Variants in MAP3K20 observed in about 807,000 individuals in gnomAD.
MAP3K20 encodes HCCS-4.
MAP3K20 carries 40 observed loss-of-function variants against 85.7 expected under a neutral mutation model. The ratio of observed to expected loss-of-function variants is 0.47; its 90% CI spans 0.36 to 0.61. The LOEUF is 0.61. Ranked by LOEUF, MAP3K20 falls within the 20% of genes least tolerant of loss-of-function variation. MAP3K20 has a pLI of 0.00. For missense variants in MAP3K20, 817 were observed against 961.7 expected (o/e 0.85, Z 1.99); for synonymous variants, 325 against 327.7 (o/e 0.99, Z 0.09).
intron 1 of MAP3K20, among the ~76,000 whole-genome samples, chr2:173,077,529 TAAAG>T (rs1175900439): frequency 2.0e-5 from 3 of 152,154 alleles, no homozygotes; most frequent in African/African-American, 7.2e-5. Flanking sequence ...AGAATTAAGA[TAAAG>T]AAAAATGGTC....
intron 10 of MAP3K20, among the ~76,000 whole-genome samples, chr2:173,213,269 G>GA (rs1274892462): frequency 6.6e-6 from 1 of 152,232 alleles, no homozygotes; most frequent in East Asian, 1.9e-4. Context: ...GAACGGGGGG[G>GA]AAAAGGAGAT....
In MAP3K20 at chr2:173,258,711, A is replaced by C. The variant is rs1283861320; in HGVS notation, c.1372A>C (p.Lys458Gln). Residue 458 changes from lysine (K) to glutamine (Q), a missense_variant, in exon 17 of 20, where the codon AAA becomes CAA. Physicochemically the swap from Lys to Gln is moderately conservative, Grantham distance 53 (BLOSUM62 1). Transcript: ENST00000375213. ...TTTTTAATTCCAGGATTGTAAGTGG[A>C]AAATGTATATGGAGATGGATGGGGA... is the stretch of plus-strand genomic sequence containing the variant. Reference protein sequence around the residue: ...PGTGPQDCKWKMYMEMDGDEI... With the variant: ...PGTGPQDCKWQMYMEMDGDEI... 4.4e-6 allele frequency: 7 copies of C among 1,600,678 alleles called. No homozygotes were observed. The highest frequency in any genetic ancestry group is 4.3e-6 in the Non-Finnish European group (5 of 1,171,884).
chr2:173,220,906 T>C lies in MAP3K20; in HGVS notation c.987+3656T>C, dbSNP rs374560899. Among the ~76,000 whole-genome samples the C allele has an allele frequency of 2.6e-5, 4 of 152,360 alleles. No individual in the cohort carries two copies. In the South Asian group the frequency reaches 8.3e-4, roughly 32 times the overall value. ...CTTGCAACTTCTTTTCCATTTGAAA[T>C]TTGGCTTGCTGTGGTGCTTTGCAAA... On this transcript the variant is annotated intron_variant, in intron 11 of 19. Coordinates refer to ENST00000375213, the MANE Select transcript of MAP3K20 (RefSeq NM_016653.3).
chr2:173,198,213 C>A lies in MAP3K20; in HGVS notation c.669+101C>A. Reference sequence around the variant, plus strand: ...TCTTCAAATTGAAAGTAAGTTCACGCTTATGGAAAGATTAGCAGTAGGAGC... The same window carrying A: ...TCTTCAAATTGAAAGTAAGTTCACGATTATGGAAAGATTAGCAGTAGGAGC... On this transcript the variant is annotated intron_variant, in intron 8 of 19. Transcript: ENST00000375213. This position sits in a 1 kb window ranked among gnomAD's most constrained non-coding sequence, Gnocchi z 5.8. The A allele has an allele frequency of 9.1e-7, 1 of 1,100,994 alleles. No individual in the cohort carries two copies. Among genetic ancestry groups the A allele is most frequent in the Non-Finnish European group, 1.3e-6 (1 of 759,852 alleles). The allele number at this position is 1,100,994 out of a possible 1,614,324, so 68.2% of individuals were successfully genotyped here. A position where few individuals can be genotyped will look rare whatever the true frequency, so the allele number is the denominator to read the frequency against.
intron 1 of MAP3K20, among the ~76,000 whole-genome samples, chr2:173,076,588 A>T (rs990307933): frequency 6.6e-6 from 1 of 152,370 alleles, no homozygotes; most frequent in East Asian, 1.9e-4. Flanking sequence ...TTCCTCACAC[A>T]ATTAGGCCAT....
intron 18 of MAP3K20, among the ~76,000 whole-genome samples, chr2:173,262,515 G>A (rs749271488): frequency 4.4e-4 from 67 of 151,954 alleles, no homozygotes; most frequent in Non-Finnish European, 8.5e-4. Context: ...CAGGAGAATC[G>A]CTTGAACCCT....
intron 2 of MAP3K20, among the ~76,000 whole-genome samples, chr2:173,139,846 C>T (rs1688915381): frequency 6.6e-6 from 1 of 152,064 alleles, no homozygotes; most frequent in Admixed American, 6.5e-5. Context: ...TACTGTGACC[C>T]TGCTATACTT....
At chr2:173,110,224 T>C (rs1574021729) in intron 2 of MAP3K20, among the ~76,000 whole-genome samples, 2 of 10,586 alleles carry the variant, frequency 1.9e-4, no homozygotes, top group Admixed American at 1.1e-3. Context: ...TATATATATA[T>C]ATATATATAT....
At chr2:173,214,674 G>A (rs3769157) in intron 10 of MAP3K20, among the ~76,000 whole-genome samples, 93,916 of 152,026 alleles carry the variant, frequency 0.62, 29,696 homozygotes, top group East Asian at 0.76. Context: ...AGATAATTAC[G>A]GTTCATTGCC....
intron 12 of MAP3K20, 73 bp from the exon 13 acceptor site, chr2:173,232,119 C>G: frequency 6.4e-7 from 1 of 1,568,924 alleles, no homozygotes; most frequent in Non-Finnish European, 8.8e-7. Context: ...ATTGAAAACT[C>G]TATGTTTACT....
chr2:173,147,762 T>C (rs780514145), intron 2 of MAP3K20, among the ~76,000 whole-genome samples: 10 of 152,064 alleles, frequency 6.6e-5, no homozygotes, highest in Non-Finnish European at 1.2e-4. Context: ...AATTTTTGTA[T>C]TTTTAGTAGA....
At chr2:173,123,323 A>G (rs1276105827) in intron 2 of MAP3K20, among the ~76,000 whole-genome samples, 2 of 152,148 alleles carry the variant, frequency 1.3e-5, no homozygotes, top group Non-Finnish European at 2.9e-5. Flanking sequence ...ATCTAACACC[A>G]TGGGTACCTA....
intron 4 of MAP3K20, among the ~76,000 whole-genome samples, chr2:173,185,613 T>C (rs1690462591): frequency 6.6e-6 from 1 of 152,232 alleles, no homozygotes; most frequent in South Asian, 2.1e-4. Context: ...AGCAATGATA[T>C]GTTGAGAAAT....
chr2:173,260,562 A>G (rs1685265661), intron 17 of MAP3K20, among the ~76,000 whole-genome samples: 1 of 152,168 alleles, frequency 6.6e-6, no homozygotes, highest in African/African-American at 2.4e-5. Context: ...TTGTTTTAAT[A>G]TAGTGGGAAA....
chr2:173,101,499 T>C lies in MAP3K20; in HGVS notation c.159+10309T>C, dbSNP rs77586470. On this transcript the variant is annotated intron_variant, in intron 2 of 19. Coordinates refer to ENST00000375213, the MANE Select transcript of MAP3K20 (RefSeq NM_016653.3). Reference sequence around the variant, plus strand: ...TTGTTCTACAGCCATGCTGGAAATATTATGCTGAAGTAAAACCAATTAACG... The same window carrying C: ...TTGTTCTACAGCCATGCTGGAAATACTATGCTGAAGTAAAACCAATTAACG... Among the ~76,000 whole-genome samples the C allele has an allele frequency of 3.2e-3, 484 of 152,356 alleles. 2 individuals carry two copies. The highest frequency in any genetic ancestry group is 0.011 in the African/African-American group (464 of 41,588).
intron 16 of MAP3K20, among the ~76,000 whole-genome samples, chr2:173,251,978 G>A (rs1390504729): frequency 6.6e-6 from 1 of 152,088 alleles, no homozygotes; most frequent in Non-Finnish European, 1.5e-5. Flanking sequence ...TTTTGATAGG[G>A]AAAAATAGAG....
At chr2:173,172,162 A>G (rs1393647472) in intron 3 of MAP3K20, among the ~76,000 whole-genome samples, 1 of 152,180 alleles carries the variant, frequency 6.6e-6, no homozygotes, top group Non-Finnish European at 1.5e-5. Context: ...GAGCACAAAT[A>G]AGTCTTAGTA....
chr2:173,240,296 G>T (rs995732167), intron 16 of MAP3K20, among the ~76,000 whole-genome samples: 1 of 152,146 alleles, frequency 6.6e-6, no homozygotes, highest in Non-Finnish European at 1.5e-5. Flanking sequence ...TTCCCTTGAG[G>T]GAAGCCAAGG....
chr2:173,249,564 G>A (rs777907662), intron 16 of MAP3K20, among the ~76,000 whole-genome samples: 9 of 152,110 alleles, frequency 5.9e-5, no homozygotes, highest in Admixed American at 2.6e-4. Flanking sequence ...AGGTAGAACA[G>A]CTGTTTTTAT....
Sources: gnomAD v4.1 joint callset for allele counts (sites outside exome capture counted in the v4.1 genomes callset) on GRCh38, gnomAD v4.1.1 for gene constraint, Gnocchi (gnomAD v3.1) non-coding constraint, MANE v1.5 for transcripts, NCBI Gene and HGNC (gene_info 2026-07-23, HGNC 2026-07-21) for gene names.